Variants in PINX1 observed in about 807,000 individuals in gnomAD.
PINX1 encodes PIN2/TERF1-interacting telomerase inhibitor 1.
PINX1 carries 34 observed loss-of-function variants against 25.4 expected under a neutral mutation model. The ratio of observed to expected loss-of-function variants is 1.34; its 90% CI spans 1.02 to 1.78. The LOEUF is 1.78. PINX1 is among the 40% of genes most tolerant of loss of function. The pLI, the probability that PINX1 is intolerant of heterozygous loss-of-function variation, is 0.00. For missense variants in PINX1, 592 were observed against 404.9 expected (o/e 1.46, Z -3.97); for synonymous variants, 197 against 147.7 (o/e 1.33, Z -2.42).
intron 6 of PINX1, among the ~76,000 whole-genome samples, chr8:10,790,967 C>T (rs886993192): frequency 2.6e-5 from 4 of 152,126 alleles, no homozygotes; most frequent in African/African-American, 4.8e-5. Flanking sequence ...GGCTGGAGTA[C>T]AAAGGCGCAA....
At position 10,769,350 on chromosome 8, in the gene PINX1, G is replaced by C. The variant is rs555920385; in HGVS notation, c.472-3434C>G. On this transcript the variant is annotated intron_variant, in intron 6 of 6. Coordinates refer to ENST00000314787, the MANE Select transcript of PINX1 (RefSeq NM_017884.6). ...CCTCACAGTCCTCTCCCTTCCTTCA[G>C]CGCTAATGAGTGCATCACATGTGTC... 4.6e-5 allele frequency among the ~76,000 whole-genome samples: 7 copies of C among 152,282 alleles called. No individual in the cohort carries two copies. The South Asian group carries it at 1.5e-3, about 32-fold the overall frequency.
chr8:10,767,777 C>A (rs1220118817), intron 6 of PINX1, among the ~76,000 whole-genome samples: 2 of 144,096 alleles, frequency 1.4e-5, no homozygotes, highest in Non-Finnish European at 3.0e-5. Flanking sequence ...CAGAGACAGG[C>A]TCGGTGACCA....
rs1406431596 is a variant in PINX1 at position 10,787,081 on chromosome 8, G to A, written c.472-21165C>T. On this transcript the variant is annotated intron_variant, in intron 6 of 6. Coordinates refer to ENST00000314787, the MANE Select transcript of PINX1 (RefSeq NM_017884.6). ...TTGACTCTTACCCAATTTTTCCCAT[G>A]AGCTCTGTTATTTTTATATTTTTGT... Among the ~76,000 whole-genome samples the A allele has an allele frequency of 2.6e-5, 4 of 152,120 alleles. No individual in the cohort carries two copies. In the East Asian group the frequency reaches 7.7e-4, roughly 29 times the overall value.
intron 6 of PINX1, among the ~76,000 whole-genome samples, chr8:10,798,165 G>C (rs1217514031): frequency 6.6e-6 from 1 of 152,220 alleles, no homozygotes; most frequent in Non-Finnish European, 1.5e-5. Context: ...AAACTGCTCA[G>C]CCAACATTTT....
intron 6 of PINX1, among the ~76,000 whole-genome samples, chr8:10,815,723 C>A (rs188011857): frequency 1.3e-5 from 2 of 152,268 alleles, no homozygotes; most frequent in East Asian, 3.9e-4. Context: ...AAACTGGTCA[C>A]GATACCACTT....
chr8:10,808,749 C>A (rs997543493), intron 6 of PINX1, among the ~76,000 whole-genome samples: 2 of 152,170 alleles, frequency 1.3e-5, no homozygotes, highest in Non-Finnish European at 2.9e-5. Context: ...ATCTGATTTT[C>A]ACCTATTGGT....
chr8:10,781,778 G>A (rs1176871906), intron 6 of PINX1, among the ~76,000 whole-genome samples: 1 of 152,168 alleles, frequency 6.6e-6, no homozygotes, highest in African/African-American at 2.4e-5. Context: ...ACAGTGTGGA[G>A]GTTCCCAAAG....
intron 1 of PINX1, among the ~76,000 whole-genome samples, chr8:10,835,644 TC>T (rs1173581068): frequency 1.3e-5 from 2 of 152,130 alleles, no homozygotes; most frequent in African/African-American, 2.4e-5. Context: ...GACCATCATC[TC>T]CTTAGGGCTC....
chr8:10,799,743 G>C (rs565699706), intron 6 of PINX1, among the ~76,000 whole-genome samples: 2 of 152,180 alleles, frequency 1.3e-5, no homozygotes, highest in African/African-American at 4.8e-5. Context: ...GGGCCATTAG[G>C]TAAGAGGAGC....
intron 6 of PINX1, among the ~76,000 whole-genome samples, chr8:10,814,588 C>G (rs1797636654): frequency 6.6e-6 from 1 of 152,234 alleles, no homozygotes; most frequent in Non-Finnish European, 1.5e-5. Flanking sequence ...ATAATCCTTT[C>G]TCAAGAATCC....
At chr8:10,815,646 T>TAGTG (rs554742499) in intron 6 of PINX1, among the ~76,000 whole-genome samples, 42 of 152,322 alleles carry the variant, frequency 2.8e-4, no homozygotes, top group Non-Finnish European at 4.7e-4. Context: ...AAACTCACTA[T>TAGTG]AGTGAGTGTA....
At chr8:10,794,190 T>C (rs1381390461) in intron 6 of PINX1, among the ~76,000 whole-genome samples, 1 of 152,200 alleles carries the variant, frequency 6.6e-6, no homozygotes, top group Non-Finnish European at 1.5e-5. Flanking sequence ...TGGGCTCAGA[T>C]GAACCAAAAT....
intron 1 of PINX1, among the ~76,000 whole-genome samples, chr8:10,836,341 G>C (rs534067921): frequency 6.6e-6 from 1 of 152,262 alleles, no homozygotes; most frequent in South Asian, 2.1e-4. Flanking sequence ...ACTTATCTTG[G>C]CAAATACTCA....
At chr8:10,824,502 A>G (rs1273623751) in intron 5 of PINX1, among the ~76,000 whole-genome samples, 1 of 152,184 alleles carries the variant, frequency 6.6e-6, no homozygotes, top group Non-Finnish European at 1.5e-5. Context: ...GGCAAGGCTA[A>G]TAGATACAGA....
intron 6 of PINX1, among the ~76,000 whole-genome samples, chr8:10,792,023 CT>C (rs1470768040): frequency 1.3e-5 from 2 of 152,182 alleles, no homozygotes; most frequent in African/African-American, 4.8e-5. Flanking sequence ...GGACCGCCCC[CT>C]CTCTCCCGCT....
intron 6 of PINX1, among the ~76,000 whole-genome samples, chr8:10,794,077 T>C (rs1023334091): frequency 3.9e-5 from 6 of 152,210 alleles, no homozygotes; most frequent in Non-Finnish European, 8.8e-5. Context: ...ATGGACTTGC[T>C]AGTTGCTAAG....
intron 6 of PINX1, among the ~76,000 whole-genome samples, chr8:10,788,321 G>A (rs940418939): frequency 6.6e-6 from 1 of 152,134 alleles, no homozygotes; most frequent in Admixed American, 6.5e-5. Flanking sequence ...CAGCACTCTG[G>A]GAGGCCAAGG....
intron 6 of PINX1, among the ~76,000 whole-genome samples, chr8:10,784,727 G>A (rs1230483411): frequency 6.6e-6 from 1 of 152,188 alleles, no homozygotes; most frequent in African/African-American, 2.4e-5. Flanking sequence ...GATTTTAAGA[G>A]TCAGAACGTG....
In PINX1 at chr8:10,799,569, G is replaced by A. The variant is rs999252234; in HGVS notation, c.471+20624C>T. 4.6e-5 allele frequency among the ~76,000 whole-genome samples: 7 copies of A among 152,192 alleles called. No homozygotes were observed. The East Asian group carries it at 9.6e-4, about 21-fold the overall frequency. On this transcript the variant is annotated intron_variant, in intron 6 of 6. Transcript: ENST00000314787. ...TCAATACGCTTTGAAATGGACAGGTGAGCGGCCTGACTGGGAGAAAGCATT... is the reference window on the plus strand; with the variant it reads ...TCAATACGCTTTGAAATGGACAGGTAAGCGGCCTGACTGGGAGAAAGCATT...
Sources: allele counts gnomAD v4.1 joint callset (sites outside exome capture counted in the v4.1 genomes callset), GRCh38; gene constraint gnomAD v4.1.1; transcripts MANE v1.5; gene names NCBI Gene and HGNC (gene_info 2026-07-23, HGNC 2026-07-21).